Variants in GTF3C2 observed in about 807,000 individuals in gnomAD.
The protein encoded by GTF3C2 is general transcription factor 3C polypeptide 2.
Under a neutral mutation model 117.4 loss-of-function variants are expected in GTF3C2, and 17 were observed. That is an observed-to-expected ratio of 0.14 (90% CI 0.10 to 0.22). The LOEUF (loss-of-function observed/expected upper bound fraction) is 0.22, where lower values mean the gene tolerates loss of function less well. GTF3C2 is among the 10% of genes least tolerant of loss of function. The pLI, the probability that GTF3C2 is intolerant of heterozygous loss-of-function variation, is 1.00. For synonymous variants in GTF3C2, 437 were observed against 427.0 expected (o/e 1.02, Z -0.29); for missense variants, 888 against 1,143.6 (o/e 0.78, Z 3.22).
intron 1 of GTF3C2, among the ~76,000 whole-genome samples, chr2:27,353,442 T>A (rs559563954): frequency 1.3e-5 from 2 of 151,900 alleles, no homozygotes; most frequent in Admixed American, 1.3e-4. Context: ...TTTAGTTTTT[T>A]GTTTTTGTTT....
intron 1 of GTF3C2, among the ~76,000 whole-genome samples, chr2:27,346,288 T>C (rs1039877951): frequency 1.4e-5 from 2 of 144,820 alleles, no homozygotes; most frequent in East Asian, 4.3e-4. Flanking sequence ...TCTCCCAAAA[T>C]GTTGGGATTA....
chr2:27,344,381 T>C (rs1680845298), intron 1 of GTF3C2, among the ~76,000 whole-genome samples: 1 of 152,176 alleles, frequency 6.6e-6, no homozygotes, highest in Non-Finnish European at 1.5e-5. Context: ...CTAAGTGCTA[T>C]ACATACATTA....
chr2:27,341,724 C>T, intron 4 of GTF3C2: 1 of 545,148 alleles, frequency 1.8e-6, no homozygotes, highest in Non-Finnish European at 3.3e-6. Context: ...TGTTTCCTAA[C>T]AGAGAACAGA....
intron 4 of GTF3C2, chr2:27,341,482 C>T (rs1268419833): frequency 6.2e-6 from 1 of 160,028 alleles, no homozygotes; most frequent in Non-Finnish European, 1.4e-5. Flanking sequence ...TCGCCTACAA[C>T]TTTACTCCAG....
exon 17 of GTF3C2, chr2:27,328,149 G>A: frequency 3.1e-6 from 5 of 1,604,060 alleles, no homozygotes; most frequent in Non-Finnish European, 4.3e-6. Flanking sequence ...TGGACCTTCA[G>A]GACTGTCCTG....
At chr2:27,356,573 G>A (rs1215629963) in intron 1 of GTF3C2, 166 bp downstream of exon 1, 3 of 187,104 alleles carry the variant, frequency 1.6e-5, no homozygotes, top group African/African-American at 4.6e-5. Context: ...GGAAGGTGCG[G>A]AGCATGATGG....
chr2:27,331,521 T>G (rs1680271186), intron 12 of GTF3C2, among the ~76,000 whole-genome samples: 1 of 150,718 alleles, frequency 6.6e-6, no homozygotes, highest in Non-Finnish European at 1.5e-5. Flanking sequence ...GAGACAGGGT[T>G]TCACCATGTT....
Position 27,349,644 on chromosome 2 carries a change from A to AT in GTF3C2, c.-24-6067dup, listed in dbSNP as rs954355205. ...ATTAAATAGGAATAAAGGGAGTACT[A>AT]TTTTTTTTTTTTGAGACGGAGCCTC... On this transcript the variant is annotated intron_variant, in intron 1 of 18. Transcript: ENST00000264720. Among the ~76,000 whole-genome samples, 546 of 143,364 alleles carry AT rather than the reference A, an allele frequency of 3.8e-3. 3 individuals carry two copies. Among genetic ancestry groups the AT allele is most frequent in the African/African-American group, 0.01 (409 of 39,210 alleles). The allele number at this position is 143,364 out of a possible 152,430, so 94.1% of individuals were successfully genotyped here.
chr2:27,354,697 G>A (rs1572589035), intron 1 of GTF3C2, among the ~76,000 whole-genome samples: 1 of 152,130 alleles, frequency 6.6e-6, no homozygotes, highest in Non-Finnish European at 1.5e-5. Flanking sequence ...AGAGGGAGAG[G>A]TTGCAGTGAG....
chr2:27,345,101 G>C (rs1185186835), intron 1 of GTF3C2, among the ~76,000 whole-genome samples: 2 of 148,896 alleles, frequency 1.3e-5, no homozygotes, highest in Admixed American at 6.8e-5. Flanking sequence ...CTGGGCAACA[G>C]AGTGAGACTC....
rs1239351226 is a variant in GTF3C2, at chr2:27,329,213, G to A, written c.1947C>T (p.Pro649=). 3.7e-6 allele frequency: 6 copies of A among 1,613,982 alleles called. No individual in the cohort carries two copies. Among genetic ancestry groups the A allele is most frequent in the Non-Finnish European group, 5.1e-6 (6 of 1,179,972 alleles). Residue 649 remains proline, a synonymous_variant, in exon 14 of 19, where the codon CCC becomes CCT. Transcript: ENST00000264720. The surrounding 1 kb of genome is among the most constrained non-coding windows in gnomAD (Gnocchi z 4.5). ...TCAAGAAGCGCTTGATAGAGTTTAT[G>A]GGTTCGTAAGGACGTCGAAGGTCCC...
intron 3 of GTF3C2, 21 bp from the exon 4 acceptor site, chr2:27,342,254 A>C: frequency 6.3e-7 from 1 of 1,586,908 alleles, no homozygotes; most frequent in Non-Finnish European, 8.6e-7. Flanking sequence ...GGACAGAGTC[A>C]GAGCCATTCT....
chr2:27,336,614 CTT>C (rs1468267904), intron 7 of GTF3C2, 189 bp from the exon 8 acceptor site: 1 of 558,346 alleles, frequency 1.8e-6, no homozygotes, highest in Non-Finnish European at 3.2e-6. Flanking sequence ...CAAAGTCTGT[CTT>C]ATATTATTAT....
intron 1 of GTF3C2, 107 bp downstream of exon 1, chr2:27,356,632 G>A (rs1681399119): frequency 6.3e-6 from 1 of 158,746 alleles, no homozygotes; most frequent in Non-Finnish European, 1.4e-5. Flanking sequence ...GTGGCTGGGA[G>A]AAGAGCGGAG....
At chr2:27,335,069 GC>G (rs1327815958) in intron 10 of GTF3C2, among the ~76,000 whole-genome samples, 1 of 152,158 alleles carries the variant, frequency 6.6e-6, no homozygotes, top group Non-Finnish European at 1.5e-5. Context: ...CAGCCTGGGT[GC>G]CCTCTTCTTT....
At chr2:27,348,521 T>C (rs1461855801) in intron 1 of GTF3C2, among the ~76,000 whole-genome samples, 1 of 151,918 alleles carries the variant, frequency 6.6e-6, no homozygotes, top group South Asian at 2.1e-4. Context: ...AAAGAAAGAA[T>C]AGGACCAGGT....
At chr2:27,328,989 T>C in intron 14 of GTF3C2, 58 bp from the exon 15 acceptor site, 1 of 1,470,746 alleles carries the variant, frequency 6.8e-7, no homozygotes, top group Non-Finnish European at 9.5e-7. Flanking sequence ...TTCTTCTTCT[T>C]AACCTCTTCC....
exon 3 of GTF3C2, chr2:27,342,859 G>T (rs1243998710): frequency 1.2e-6 from 2 of 1,614,086 alleles, no homozygotes; most frequent in Non-Finnish European, 1.7e-6. Flanking sequence ...TCGTTCCCCA[G>T]AAGGGGTCTC....
chr2:27,343,521 C>G, exon 2 of GTF3C2: 1 of 1,613,972 alleles, frequency 6.2e-7, no homozygotes, highest in Non-Finnish European at 8.5e-7. Flanking sequence ...CCGGCCTCCC[C>G]CAGGGCAACA....
Sources: allele counts gnomAD v4.1 joint callset (sites outside exome capture counted in the v4.1 genomes callset), GRCh38; gene constraint gnomAD v4.1.1; non-coding constraint Gnocchi (gnomAD v3.1); transcripts MANE v1.5; gene names NCBI Gene and HGNC (gene_info 2026-07-23, HGNC 2026-07-21).